Variants in AASDH observed in about 807,000 individuals in gnomAD.
AASDH encodes aminoadipate-semialdehyde dehydrogenase.
A neutral mutation model predicts 102.3 loss-of-function variants in AASDH; 81 were observed. The observed-to-expected ratio is 0.79, with a 90% confidence interval of 0.66 to 0.95. The LOEUF (loss-of-function observed/expected upper bound fraction) is 0.95, where lower values mean the gene tolerates loss of function less well. Among genes scored for constraint, AASDH ranks in the 40% least tolerant of loss-of-function variants. The pLI is 0.00. For synonymous variants in AASDH, 398 were observed against 454.0 expected (o/e 0.88, Z 1.57); for missense variants, 1,203 against 1,266.2 (o/e 0.95, Z 0.76).
chr4:56,369,095 A>G (rs1578034268), intron 5 of AASDH, among the ~76,000 whole-genome samples: 1 of 152,346 alleles, frequency 6.6e-6, no homozygotes, highest in Admixed American at 6.5e-5. Context: ...TAAAATCACC[A>G]TGAAACTATA....
chr4:56,378,322 T>C lies in AASDH; in HGVS notation c.494A>G (p.Glu165Gly), dbSNP rs1161548414. 1.2e-6 allele frequency: 2 copies of C among 1,614,184 alleles called. No homozygotes were observed. Among genetic ancestry groups the C allele is most frequent in the Non-Finnish European group, 8.5e-7 (1 of 1,180,022 alleles). The change falls in exon 4 of 15, where the codon GAA (glutamate) becomes GGA (glycine). Residue 165 changes from glutamate (E) to glycine (G), a missense_variant. Coordinates refer to ENST00000205214, the MANE Select transcript of AASDH (RefSeq NM_181806.4). Reference protein sequence around the residue: ...LNDGKEKYEKEKIKSISSEHV... With the variant: ...LNDGKEKYEKGKIKSISSEHV... ...CTCAGAACTTATGCTTTTTATTTTT[T>C]CTTTTTCATATTTCTCTTTTCCATC...
intron 4 of AASDH, among the ~76,000 whole-genome samples, chr4:56,375,082 T>C (rs1396847420): frequency 6.6e-6 from 1 of 151,848 alleles, no homozygotes; most frequent in Non-Finnish European, 1.5e-5. Context: ...GCTTTGTCTT[T>C]TTTTTTTTTA....
chr4:56,374,833 G>C (rs1379541417), intron 4 of AASDH, among the ~76,000 whole-genome samples: 2 of 152,128 alleles, frequency 1.3e-5, no homozygotes, highest in African/African-American at 4.8e-5. Flanking sequence ...TTAAAATGGA[G>C]AAAACTGAAG....
Position 56,354,035 on chromosome 4 carries a change from C to G in AASDH, c.1383+4G>C. 1.2e-6 allele frequency: 2 copies of G among 1,606,606 alleles called. No homozygotes were observed. The highest frequency in any genetic ancestry group is 1.7e-6 in the Non-Finnish European group (2 of 1,176,840). The stretch of plus-strand genomic sequence containing the variant: ...ATAGATATTCAATATTTAAATAGTT[C>G]TACCTGTTGCACAAGTTCAATGTTA... On this transcript the variant is annotated splice_donor_region_variant and intron_variant, in intron 8 of 14. Coordinates refer to ENST00000205214, the MANE Select transcript of AASDH (RefSeq NM_181806.4).
In AASDH at chr4:56,349,283, C is replaced by G. The variant is rs1332416936; in HGVS notation, c.2468G>C (p.Cys823Ser). ...CTTACCCACCACAATAAAGTTTCCA[C>G]ACTTAGATACACATGCTGAGGATTC... ...RIESSACVSK[C>S]GNFIVVGCYN... is the part of the protein sequence containing the mutation. Residue 823 changes from cysteine (C) to serine (S), a missense_variant, in exon 11 of 15, where the codon TGT (cysteine) becomes TCT (serine). Cys to Ser is a moderately radical substitution (Grantham distance 112, BLOSUM62 -1). Transcript: ENST00000205214. 1 of 1,614,124 alleles carries G rather than the reference C, an allele frequency of 6.2e-7. No individual in the cohort carries two copies.
intron 13 of AASDH, among the ~76,000 whole-genome samples, chr4:56,343,186 A>C (rs2109848069): frequency 6.6e-6 from 1 of 152,212 alleles, no homozygotes; most frequent in South Asian, 2.1e-4. Flanking sequence ...GCAAAGAAAA[A>C]ACTAGCACCT....
intron 3 of AASDH, 41 bp from the exon 4 acceptor site, chr4:56,378,505 T>C (rs1366886860): frequency 7.0e-7 from 1 of 1,421,826 alleles, no homozygotes; most frequent in Non-Finnish European, 9.5e-7. Flanking sequence ...ATTAGTATGT[T>C]AAAAGATATT....
chr4:56,381,244 G>A (rs768064304), intron 3 of AASDH, among the ~76,000 whole-genome samples: 12 of 152,010 alleles, frequency 7.9e-5, no homozygotes, highest in Non-Finnish European at 1.8e-4. Context: ...AGGAAATTTC[G>A]GCTACACACT....
chr4:56,355,534 C>T, intron 5 of AASDH, 111 bp from the exon 6 acceptor site: 2 of 955,266 alleles, frequency 2.1e-6, no homozygotes, highest in Non-Finnish European at 1.5e-6. Flanking sequence ...GAAATGAAGG[C>T]TGTGTTTATC....
intron 5 of AASDH, among the ~76,000 whole-genome samples, chr4:56,362,035 A>C (rs1198583325): frequency 6.6e-6 from 1 of 152,218 alleles, no homozygotes; most frequent in African/African-American, 2.4e-5. Context: ...AAGAGTATGT[A>C]AATAAAAAAT....
At chr4:56,341,705 G>A (rs1395145379) in intron 14 of AASDH, among the ~76,000 whole-genome samples, 2 of 151,854 alleles carry the variant, frequency 1.3e-5, no homozygotes, top group African/African-American at 4.8e-5. Flanking sequence ...CCAGCCATTG[G>A]AGATTTTTAT....
intron 4 of AASDH, among the ~76,000 whole-genome samples, chr4:56,372,376 C>T (rs1751829261): frequency 6.6e-6 from 1 of 152,188 alleles, no homozygotes; most frequent in South Asian, 2.1e-4. Flanking sequence ...GGTTCTGCTC[C>T]TCTGGCAGAA....
At chr4:56,382,776 C>T (rs13122832) in intron 2 of AASDH, among the ~76,000 whole-genome samples, 179 bp from the exon 3 acceptor site, 54,604 of 152,132 alleles carry the variant, frequency 0.36, 10,307 homozygotes, top group Non-Finnish European at 0.43. Flanking sequence ...TGGTAATAAA[C>T]GCTGTCATTT....
In AASDH at chr4:56,349,378, A is replaced by G. The variant is rs774311379; in HGVS notation, c.2373T>C (p.Ser791=). The G allele has an allele frequency of 2.3e-5, 37 of 1,614,068 alleles. No individual in the cohort carries two copies. The highest frequency in any genetic ancestry group is 1.6e-4 in the Middle Eastern group (1 of 6,084). The change falls in exon 11 of 15, where the codon TCT becomes TCC. Residue 791 remains serine, a synonymous_variant. Coordinates refer to ENST00000205214, the MANE Select transcript of AASDH (RefSeq NM_181806.4). ...SSTTVYIGSH[S]HRMKAVDFYS... ...AAAAGTCAACTGCCTTCATTCTATG[A>G]GAATGGGAACCAATGTACACAGTTG...
At chr4:56,350,447 C>T (rs1193926428) in intron 10 of AASDH, among the ~76,000 whole-genome samples, 1 of 150,978 alleles carries the variant, frequency 6.6e-6, no homozygotes, top group African/African-American at 2.4e-5. Flanking sequence ...GAGTGAATCT[C>T]CATCTCAAAA....
Position 56,338,764 on chromosome 4 carries a change from TTGGTCCAC to T in AASDH, c.2927_2934del (p.Ser976AsnfsTer20), listed in dbSNP as rs757742444. 1 of 1,614,106 alleles carries T rather than the reference TTGGTCCAC, an allele frequency of 6.2e-7. No individual in the cohort carries two copies. The highest frequency in any genetic ancestry group is 8.5e-7 in the Non-Finnish European group (1 of 1,180,012). On this transcript the variant is annotated frameshift_variant, in exon 15 of 15. Coordinates refer to ENST00000205214, the MANE Select transcript of AASDH (RefSeq NM_181806.4). LOFTEE classifies it low-confidence loss of function (END_TRUNC). ...GGTGAGGTACACGGGGATGAAAAGA[TTGGTCCAC>T]TGGTAGAGAACTGCCAAACCTATAA...
At chr4:56,365,516 T>A (rs550993727) in intron 5 of AASDH, among the ~76,000 whole-genome samples, 1 of 151,988 alleles carries the variant, frequency 6.6e-6, no homozygotes, top group South Asian at 2.1e-4. Context: ...TATAACAAAC[T>A]GTCTCTCAGA....
chr4:56,356,521 G>C, intron 5 of AASDH: 8 of 980,814 alleles, frequency 8.2e-6, no homozygotes, highest in Non-Finnish European at 1.3e-5. Flanking sequence ...GATGTCCCCA[G>C]TAAGAGACCA....
chr4:56,383,019 T>C (rs1010836913), intron 2 of AASDH, among the ~76,000 whole-genome samples: 4 of 152,206 alleles, frequency 2.6e-5, no homozygotes, highest in Admixed American at 2.0e-4. Context: ...ATCACGCCGT[T>C]GCACTCCAGC....
Sources: gnomAD v4.1 joint callset for allele counts (sites outside exome capture counted in the v4.1 genomes callset) on GRCh38, gnomAD v4.1.1 for gene constraint, MANE v1.5 for transcripts, NCBI Gene and HGNC (gene_info 2026-07-23, HGNC 2026-07-21) for gene names.